The following LRRC28 variants were observed in gnomAD, a reference collection of about 807,000 sequenced individuals.
LRRC28 encodes leucine rich repeat containing 28.
LRRC28 carries 39 observed loss-of-function variants against 45.7 expected under a neutral mutation model. That is an observed-to-expected ratio of 0.85 (90% confidence interval 0.66 to 1.12). The LOEUF (loss-of-function observed/expected upper bound fraction) is 1.12, where lower values mean the gene tolerates loss of function less well. Ranked by LOEUF, LRRC28 falls within the 50% of genes most tolerant of loss-of-function variation. LRRC28 has a pLI of 0.00. For missense variants in LRRC28, 435 were observed against 438.5 expected (o/e 0.99, Z 0.07); for synonymous variants, 206 against 178.8 (o/e 1.15, Z -1.22).
chr15:99,382,312 G>C (rs1957853502), intron 9 of LRRC28, among the ~76,000 whole-genome samples: 1 of 152,240 alleles, frequency 6.6e-6, no homozygotes, highest in Non-Finnish European at 1.5e-5. Context: ...GGCTCCGTGG[G>C]CATGGGACCC....
At chr15:99,261,390 A>G (rs1471758526) in intron 2 of LRRC28, among the ~76,000 whole-genome samples, 5 of 152,216 alleles carry the variant, frequency 3.3e-5, no homozygotes, top group African/African-American at 1.2e-4. Flanking sequence ...TCAGTGGCTT[A>G]TAAACAAATT....
intron 6 of LRRC28, among the ~76,000 whole-genome samples, chr15:99,343,713 T>A: frequency 6.6e-6 from 1 of 152,326 alleles, no homozygotes; most frequent in East Asian, 1.9e-4. Flanking sequence ...AAGGTATCGG[T>A]GCATTAATAG....
At chr15:99,346,301 T>TG (rs1372443211) in intron 6 of LRRC28, among the ~76,000 whole-genome samples, 4 of 152,222 alleles carry the variant, frequency 2.6e-5, no homozygotes, top group Non-Finnish European at 5.9e-5. Flanking sequence ...CTCAGCCTCC[T>TG]GAGCAGCTGG....
chr15:99,377,211 T>G (rs1341809322), intron 9 of LRRC28, among the ~76,000 whole-genome samples: 1 of 151,626 alleles, frequency 6.6e-6, no homozygotes, highest in East Asian at 1.9e-4. Context: ...GCACCTGTTG[T>G]TTCCTGACTT....
At chr15:99,331,683 G>GCT (rs149368532) in intron 5 of LRRC28, among the ~76,000 whole-genome samples, 41 of 149,112 alleles carry the variant, frequency 2.7e-4, no homozygotes, top group South Asian at 4.2e-4. Flanking sequence ...TCTCCACCAA[G>GCT]CTCTCTCTCT....
chr15:99,334,072 C>G lies in LRRC28; in HGVS notation c.535C>G (p.Leu179Val). 6.2e-7 allele frequency: 1 copy of G among 1,614,144 alleles called. No homozygotes were observed. The highest frequency in any genetic ancestry group is 1.3e-5 in the African/African-American group (1 of 75,044). Reference sequence around the variant, plus strand: ...GTATGTGCCGCGCCATCTCTGCCAGCTGCCCAGCCTCAATGAGCTCTCCAT... The same window carrying G: ...GTATGTGCCGCGCCATCTCTGCCAGGTGCCCAGCCTCAATGAGCTCTCCAT... ...LWYVPRHLCQ[L>V]PSLNELSMAG... is the part of the protein sequence containing the mutation. The change falls in exon 6 of 10, where the codon CTG (leucine) becomes GTG (valine). Residue 179 changes from leucine to valine, a missense_variant. Leu to Val is a conservative substitution (Grantham distance 32, BLOSUM62 1). Transcript: ENST00000301981.
intron 3 of LRRC28, chr15:99,285,522 T>C: frequency 9.3e-7 from 1 of 1,076,138 alleles, no homozygotes; most frequent in Non-Finnish European, 1.4e-6. Flanking sequence ...AGCTCAGGCC[T>C]CCAATGAAGA....
chr15:99,301,327 CAG>C lies in LRRC28; in HGVS notation c.385+13379_385+13380del, dbSNP rs575463777. ...TCTTAATAAAATCAGCTTCATAAAT[CAG>C]AGTTACTAATAATTTTATCTATTCT... On this transcript the variant is annotated intron_variant, in intron 5 of 9. Coordinates refer to ENST00000301981, the MANE Select transcript of LRRC28 (RefSeq NM_144598.5). 9.2e-5 allele frequency among the ~76,000 whole-genome samples: 14 copies of C among 152,238 alleles called. No individual in the cohort carries two copies. The South Asian group carries it at 1.0e-3, about 11-fold the overall frequency.
At chr15:99,265,479 G>C (rs28419007) in intron 2 of LRRC28, among the ~76,000 whole-genome samples, 1 of 152,124 alleles carries the variant, frequency 6.6e-6, no homozygotes, top group African/African-American at 2.4e-5. Context: ...GAAAGACTGT[G>C]GTCATGGAGA....
chr15:99,377,324 T>A (rs1236789594), intron 9 of LRRC28, among the ~76,000 whole-genome samples: 1,588 of 150,036 alleles, frequency 0.011, 35 homozygotes, highest in African/African-American at 0.038. Flanking sequence ...TCATGTGTTT[T>A]TTGGCTGCAT....
chr15:99,286,012 A>G (rs997555567), intron 3 of LRRC28, among the ~76,000 whole-genome samples: 1 of 152,256 alleles, frequency 6.6e-6, no homozygotes, highest in Non-Finnish European at 1.5e-5. Context: ...TCATAAAATT[A>G]TCAATTTTCT....
rs148155928 is a variant in LRRC28 at position 99,258,112 on chromosome 15, T to G, written c.168+1987T>G. 6.4e-5 allele frequency: 102 copies of G among 1,594,500 alleles called. 1 individual carries two copies. In the East Asian group the frequency reaches 2.2e-3, roughly 34 times the overall value. ...GAGAAGAGTTGGTTAAAAACCTTGG[T>G]ACCATAGCCAAATCTTGAACAAACG... On this transcript the variant is annotated intron_variant, in intron 2 of 9. Transcript: ENST00000301981.
chr15:99,277,238 G>T (rs930963518), intron 3 of LRRC28, among the ~76,000 whole-genome samples: 1 of 151,950 alleles, frequency 6.6e-6, no homozygotes, highest in Non-Finnish European at 1.5e-5. Context: ...TATTTGGCAC[G>T]ATTTTCAAGA....
intron 7 of LRRC28, 53 bp from the exon 8 acceptor site, chr15:99,361,283 C>T: frequency 6.5e-7 from 1 of 1,538,186 alleles, no homozygotes; most frequent in Non-Finnish European, 8.8e-7. Context: ...TTATTGGCAC[C>T]CATATTCTTT....
chr15:99,340,096 A>AT (rs1956456993), intron 6 of LRRC28, among the ~76,000 whole-genome samples: 1 of 152,262 alleles, frequency 6.6e-6, no homozygotes, highest in Non-Finnish European at 1.5e-5. Context: ...TTTTAGCGTG[A>AT]TTCTACCACT....
chr15:99,330,582 C>G (rs1334297502), intron 5 of LRRC28, among the ~76,000 whole-genome samples: 2 of 151,840 alleles, frequency 1.3e-5, no homozygotes, highest in East Asian at 3.8e-4. Context: ...GGTATTTTTC[C>G]CATCCTTTTA....
At chr15:99,289,742 G>T (rs1009019092) in intron 5 of LRRC28, among the ~76,000 whole-genome samples, 1 of 149,248 alleles carries the variant, frequency 6.7e-6, no homozygotes, top group Non-Finnish European at 1.5e-5. Context: ...GACCATCCTG[G>T]CTAACAAGGT....
chr15:99,310,466 A>G (rs942221301), intron 5 of LRRC28, among the ~76,000 whole-genome samples: 1 of 152,224 alleles, frequency 6.6e-6, no homozygotes, highest in Non-Finnish European at 1.5e-5. Flanking sequence ...ACTAGAATCT[A>G]CTAGTTAATC....
chr15:99,284,828 T>C, intron 3 of LRRC28: 1 of 550,670 alleles, frequency 1.8e-6, no homozygotes, highest in Non-Finnish European at 3.5e-6. Context: ...CAGAATTGCT[T>C]CCATCATTAC....
Sources: gnomAD v4.1 joint callset for allele counts (sites outside exome capture counted in the v4.1 genomes callset) on GRCh38, gnomAD v4.1.1 for gene constraint, MANE v1.5 for transcripts, NCBI Gene and HGNC (gene_info 2026-07-23, HGNC 2026-07-21) for gene names.